FRMD3: variants seen among roughly 807,000 people sequenced by gnomAD.
FRMD3 encodes the protein FERM domain-containing protein 3.
Under a neutral mutation model 70.2 loss-of-function variants are expected in FRMD3, and 33 were observed. The observed-to-expected ratio is 0.47, with a 90% CI of 0.36 to 0.63. FRMD3 has a LOEUF of 0.63. FRMD3 is among the 20% of genes least tolerant of loss of function. The pLI is 0.00. For synonymous variants in FRMD3, 279 were observed against 255.9 expected, an observed-to-expected ratio of 1.09 and a Z score of -0.86; for missense variants, 632 against 711.4, an observed-to-expected ratio of 0.89 and a Z score of 1.27.
intron 2 of FRMD3, among the ~76,000 whole-genome samples, chr9:83,374,655 A>C (rs536474296): frequency 6.6e-6 from 1 of 152,330 alleles, no homozygotes; most frequent in East Asian, 1.9e-4. Flanking sequence ...TCTTAGGGCC[A>C]TTGCGAGGAT....
the FRMD3 span, among the ~76,000 whole-genome samples, chr9:83,572,173 G>T: frequency 4.0e-5 from 6 of 149,502 alleles, no homozygotes; most frequent in South Asian, 1.3e-3. Flanking sequence ...GTGTGTGTGT[G>T]CATGCGCATG....
At chr9:83,476,514 G>A (rs2131467855) in intron 1 of FRMD3, among the ~76,000 whole-genome samples, 1 of 152,334 alleles carries the variant, frequency 6.6e-6, no homozygotes, top group Middle Eastern at 3.4e-3. Context: ...AATAGTTTGG[G>A]TTTTAGATGC....
chr9:83,334,718 C>T (rs1021399480), intron 6 of FRMD3, among the ~76,000 whole-genome samples: 2 of 152,126 alleles, frequency 1.3e-5, no homozygotes, highest in Non-Finnish European at 2.9e-5. Flanking sequence ...GATCCCTACA[C>T]ACACTTCATT....
At chr9:83,529,314 C>T (rs772841389) in intron 1 of FRMD3, among the ~76,000 whole-genome samples, 2 of 152,148 alleles carry the variant, frequency 1.3e-5, no homozygotes, top group Non-Finnish European at 2.9e-5. Context: ...TCACACCATA[C>T]ACAAAAATTG....
At chr9:83,383,996 G>T (rs919528938) in intron 2 of FRMD3, among the ~76,000 whole-genome samples, 1 of 152,164 alleles carries the variant, frequency 6.6e-6, no homozygotes, top group Non-Finnish European at 1.5e-5. Context: ...ATGCATCAGT[G>T]TTCATACCTT....
At chr9:83,529,749 T>C (rs1829757666) in intron 1 of FRMD3, among the ~76,000 whole-genome samples, 1 of 152,152 alleles carries the variant, frequency 6.6e-6, no homozygotes, top group Non-Finnish European at 1.5e-5. Flanking sequence ...ACTTATTATA[T>C]AAAGGGTTTG....
At chr9:83,271,427 A>C (rs1293756609) in intron 13 of FRMD3, among the ~76,000 whole-genome samples, 2 of 152,202 alleles carry the variant, frequency 1.3e-5, no homozygotes, top group East Asian at 3.8e-4. Flanking sequence ...CAATAATTTT[A>C]ATAATATATT....
chr9:83,471,682 T>G (rs1192015090), intron 1 of FRMD3, among the ~76,000 whole-genome samples: 1 of 152,224 alleles, frequency 6.6e-6, no homozygotes, highest in Admixed American at 6.5e-5. Context: ...GCTTCTTTTC[T>G]GACCACAATG....
Position 83,248,317 on chromosome 9 carries a change from C to T in FRMD3, c.1395G>A (p.Met465Ile), listed in dbSNP as rs757852872. Residue 465 changes from methionine (M) to isoleucine (I), a missense_variant, in exon 14 of 14, where the codon ATG (methionine) becomes ATA (isoleucine). Around this residue, in one of 3 missense-constraint regions of FRMD3, gnomAD observed 418 missense variants for 442.1 expected, o/e 0.95. Transcript: ENST00000304195. Reference protein sequence around the residue: ...PTPVDDDEIDMLFDCPSRLEL... With the variant: ...PTPVDDDEIDILFDCPSRLEL... ...CAAGCCTAGAAGGACAGTCAAAGAG[C>T]ATGTCAATCTCATCGTCATCCACAG... 10 of 1,614,046 alleles carry T rather than the reference C, an allele frequency of 6.2e-6. No individual in the cohort carries two copies. In the South Asian group the frequency reaches 1.1e-4, roughly 18 times the overall value.
intron 1 of FRMD3, among the ~76,000 whole-genome samples, chr9:83,468,426 G>T (rs1302821976): frequency 1.3e-5 from 2 of 152,232 alleles, no homozygotes; most frequent in African/African-American, 4.8e-5. Context: ...CAGGTGGGCA[G>T]ATTTCAGAAG....
rs183493939 is a variant in FRMD3 at position 83,473,122 on chromosome 9, A to G, written c.147+64963T>C. ...AAAGACTTAGATGTTCCCCCTTTGTATATGGAATACCCAAACTCAACCTGG... is the reference window on the plus strand; with the variant it reads ...AAAGACTTAGATGTTCCCCCTTTGTGTATGGAATACCCAAACTCAACCTGG... On this transcript the variant is annotated intron_variant, in intron 1 of 13. Transcript: ENST00000304195. 4.3e-4 allele frequency among the ~76,000 whole-genome samples: 66 copies of G among 152,296 alleles called. 2 individuals are homozygous for G. In the East Asian group the frequency reaches 0.013, roughly 29 times the overall value.
chr9:83,310,446 C>A, intron 9 of FRMD3, 39 bp downstream of exon 9: 1 of 1,512,426 alleles, frequency 6.6e-7, no homozygotes, highest in African/African-American at 1.4e-5. Flanking sequence ...CTCTCATGCA[C>A]ACACAATAAC....
chr9:83,243,327 G>A (rs988120026), downstream of FRMD3: 32 of 1,098,654 alleles, frequency 2.9e-5, no homozygotes, highest in Non-Finnish European at 3.8e-5. Context: ...GTAGAGAGTG[G>A]CCCAGAGGGA....
At chr9:83,523,172 A>G (rs532206796) in intron 1 of FRMD3, among the ~76,000 whole-genome samples, 1 of 150,750 alleles carries the variant, frequency 6.6e-6, no homozygotes, top group Non-Finnish European at 1.5e-5. Flanking sequence ...GGATGGATGG[A>G]TGGATGGATG....
intron 1 of FRMD3, among the ~76,000 whole-genome samples, chr9:83,485,763 TTC>T (rs1828673473): frequency 6.6e-6 from 1 of 152,160 alleles, no homozygotes; most frequent in East Asian, 1.9e-4. Flanking sequence ...AGACCCAACT[TTC>T]AACTCCATTC....
At chr9:83,573,231 G>C in the FRMD3 span, among the ~76,000 whole-genome samples, 1 of 151,268 alleles carries the variant, frequency 6.6e-6, no homozygotes, top group Non-Finnish European at 1.5e-5. Flanking sequence ...AAAGGAAGAA[G>C]ATTCAGAAAA....
chr9:83,573,406 T>C, the FRMD3 span, among the ~76,000 whole-genome samples: 2 of 152,364 alleles, frequency 1.3e-5, no homozygotes, highest in Non-Finnish European at 2.9e-5. Flanking sequence ...AACAGGATTT[T>C]AGTGTCTTTA....
At chr9:83,250,354 G>A (rs1360129920) in intron 13 of FRMD3, among the ~76,000 whole-genome samples, 1 of 152,340 alleles carries the variant, frequency 6.6e-6, no homozygotes, top group East Asian at 1.9e-4. Flanking sequence ...ACACAGAGCT[G>A]TGTGGAGTCT....
chr9:83,428,748 A>G (rs1826886764), intron 1 of FRMD3, among the ~76,000 whole-genome samples: 1 of 152,182 alleles, frequency 6.6e-6, no homozygotes, highest in African/African-American at 2.4e-5. Context: ...CTAAAATCAC[A>G]CCACTTGGAA....
Sources: gnomAD v4.1 joint callset for allele counts (sites outside exome capture counted in the v4.1 genomes callset) on GRCh38, gnomAD v4.1.1 for gene constraint, gnomAD v4.1.1 regional missense constraint, MANE v1.5 for transcripts, NCBI Gene and HGNC (gene_info 2026-07-23, HGNC 2026-07-21) for gene names.